The following TMLHE variants were observed in gnomAD, a reference collection of about 807,000 sequenced individuals.
TMLHE encodes the protein trimethyllysine hydroxylase, epsilon.
TMLHE carries 18 observed loss-of-function variants against 25.7 expected under a neutral mutation model. The observed-to-expected ratio is 0.70, with a 90% CI of 0.48 to 1.04. The LOEUF (loss-of-function observed/expected upper bound fraction) is 1.04, where lower values mean the gene tolerates loss of function less well. Among genes scored for constraint, TMLHE ranks in the 50% least tolerant of loss-of-function variants. The probability of loss-of-function intolerance (pLI) is 0.00; values close to 1 mark genes in which losing one functional copy is unlikely to be tolerated. For synonymous variants in TMLHE, 105 were observed against 97.0 expected (o/e 1.08, Z -0.49); for missense variants, 236 against 259.0 (o/e 0.91, Z 0.61).
intron 1 of TMLHE, among the ~76,000 whole-genome samples, chrX:155,610,068 C>A (rs950875989): frequency 8.0e-5 from 9 of 111,816 alleles, no homozygotes; most frequent in African/African-American, 2.9e-4. Flanking sequence ...GAATGTCCAC[C>A]CAAAAACTTG....
At chrX:155,514,613 G>A (rs2067140011) in intron 3 of TMLHE, among the ~76,000 whole-genome samples, 1 of 110,337 alleles carries the variant, frequency 9.1e-6, no homozygotes, top group South Asian at 3.8e-4. Context: ...CTCTCCCCTT[G>A]CCCCCATCCC....
At chrX:155,611,545 C>T (rs1459699081) in intron 1 of TMLHE, 3 of 111,383 alleles carry the variant, frequency 2.7e-5, no homozygotes, top group East Asian at 2.8e-4. Context: ...GTGATCTGTT[C>T]CAGTCCAAGC....
At chrX:155,578,409 G>T (rs2067604508) in intron 1 of TMLHE, among the ~76,000 whole-genome samples, 1 of 111,661 alleles carries the variant, frequency 9.0e-6, no homozygotes. Context: ...GGATCTCTCA[G>T]CCCAGTCCAT....
At chrX:155,538,010 C>T (rs1288981574) in intron 2 of TMLHE, among the ~76,000 whole-genome samples, 1 of 111,116 alleles carries the variant, frequency 9.0e-6, no homozygotes, top group African/African-American at 3.3e-5. Flanking sequence ...CTCTGTTTTT[C>T]AAGAATACAA....
At chrX:155,512,049 C>G (rs1397443673) in intron 4 of TMLHE, among the ~76,000 whole-genome samples, 1 of 111,401 alleles carries the variant, frequency 9.0e-6, no homozygotes, top group Non-Finnish European at 1.9e-5. Flanking sequence ...AGAATCATCC[C>G]ACTCTGATTA....
chrX:155,528,446 C>T (rs1349233781), intron 2 of TMLHE, among the ~76,000 whole-genome samples: 2 of 110,512 alleles, frequency 1.8e-5, no homozygotes, highest in Non-Finnish European at 3.8e-5. Context: ...GTAGTGTACA[C>T]TGAAACTGAT....
intron 1 of TMLHE, among the ~76,000 whole-genome samples, chrX:155,555,697 C>A (rs1417983007): frequency 9.0e-6 from 1 of 110,718 alleles, no homozygotes; most frequent in African/African-American, 3.3e-5. Context: ...CTGTTATATC[C>A]TTTGCCCGCT....
At position 155,514,244 on chromosome X, in the gene TMLHE, TTA is replaced by T. The variant is rs2067137558; in HGVS notation, c.378_379del (p.Lys127IlefsTer2). 8.3e-7 allele frequency: 1 copy of T among 1,204,274 alleles called. No individual in the cohort carries two copies. The highest frequency in any genetic ancestry group is 1.8e-5 in the African/African-American group (1 of 56,960). On this transcript the variant is annotated frameshift_variant, in exon 4 of 8. Transcript: ENST00000334398. LOFTEE classifies it high-confidence loss of function. ...TTTCACCAGCCAATTCAAATCATAT[TTA>T]GTCACATGACCATCTGGCCCTTTTA...
chrX:155,555,267 C>A (rs2067442809), intron 1 of TMLHE, among the ~76,000 whole-genome samples: 1 of 110,581 alleles, frequency 9.0e-6, no homozygotes, highest in Non-Finnish European at 1.9e-5. Context: ...TTTCTTAATC[C>A]AGTCTATCAT....
intron 2 of TMLHE, among the ~76,000 whole-genome samples, chrX:155,541,892 G>T (rs1168537728): frequency 1.9e-5 from 2 of 105,241 alleles, no homozygotes; most frequent in Non-Finnish European, 3.9e-5. Context: ...TGATGGGGTT[G>T]TTTTTTTTTT....
chrX:155,602,918 T>C (rs782308643), intron 1 of TMLHE, among the ~76,000 whole-genome samples: 4 of 111,763 alleles, frequency 3.6e-5, no homozygotes, highest in African/African-American at 1.3e-4. Flanking sequence ...TTGAGGAAAA[T>C]TAAAGAAGAT....
chrX:155,609,581 T>C (rs185702501), intron 1 of TMLHE, among the ~76,000 whole-genome samples: 25 of 111,287 alleles, frequency 2.2e-4, no homozygotes, highest in Non-Finnish European at 1.3e-4. Context: ...CAACATACAG[T>C]AGTAAGAAAA....
rs145371120 is a variant in TMLHE, at chrX:155,524,536, C to T, written c.278G>A (p.Arg93His). Residue 93 changes from arginine (R) to histidine (H), a missense_variant, in exon 3 of 8, where the codon CGC becomes CAC. By Grantham distance (29) the Arg-to-His change is conservative (BLOSUM62 0). Coordinates refer to ENST00000334398, the MANE Select transcript of TMLHE (RefSeq NM_018196.4). ...ATCCACACTGGCAGTATCCAGGCTGCGCTGGTGAGTCTTAGAGTTGTAGCA... is the reference window on the plus strand; with the variant it reads ...ATCCACACTGGCAGTATCCAGGCTGTGCTGGTGAGTCTTAGAGTTGTAGCA... Reference protein sequence around the residue: ...ASCYNSKTHQRSLDTASVDLC... With the variant: ...ASCYNSKTHQHSLDTASVDLC... 262 of 1,207,866 alleles carry T rather than the reference C, an allele frequency of 2.2e-4. No individual in the cohort carries two copies. Among genetic ancestry groups the T allele is most frequent in the Middle Eastern group, 6.9e-4 (3 of 4,365 alleles).
chrX:155,540,007 A>G lies in TMLHE; in HGVS notation c.181+5089T>C, dbSNP rs182538002. On this transcript the variant is annotated intron_variant, in intron 2 of 7. Coordinates refer to ENST00000334398, the MANE Select transcript of TMLHE (RefSeq NM_018196.4). ...AATTATTGAGAAAGAGAAGAAAAAA[A>G]CAACAAAGAATGAAGAAAAATGAGG... 1.5e-4 allele frequency among the ~76,000 whole-genome samples: 16 copies of G among 109,261 alleles called. No individual in the cohort carries two copies. The East Asian group carries it at 4.4e-3, about 30-fold the overall frequency. The allele number at this position is 109,261 out of a possible 115,157, so 94.9% of individuals were successfully genotyped here.
intron 2 of TMLHE, among the ~76,000 whole-genome samples, chrX:155,528,482 C>A (rs782072846): frequency 1.8e-5 from 2 of 110,068 alleles, no homozygotes; most frequent in Non-Finnish European, 3.8e-5. Context: ...CTTTATCCCC[C>A]TCCTTCCCTC....
intron 6 of TMLHE, among the ~76,000 whole-genome samples, chrX:155,506,487 T>G (rs1383587314): frequency 9.0e-6 from 1 of 111,430 alleles, no homozygotes; most frequent in Non-Finnish European, 1.9e-5. Flanking sequence ...GAATATGATA[T>G]GTTTTATATT....
intron 2 of TMLHE, among the ~76,000 whole-genome samples, chrX:155,527,697 C>A (rs1378604033): frequency 1.8e-5 from 2 of 110,366 alleles, no homozygotes; most frequent in Admixed American, 9.6e-5. Flanking sequence ...TCATATAATT[C>A]AAAAAAAATA....
intron 1 of TMLHE, among the ~76,000 whole-genome samples, chrX:155,583,171 G>A (rs1427164656): frequency 3.6e-5 from 4 of 110,884 alleles, no homozygotes; most frequent in South Asian, 3.8e-4. Flanking sequence ...GGGGCCTGTC[G>A]TGGGGTTGGG....
At chrX:155,578,145 G>T (rs1045421332) in intron 1 of TMLHE, among the ~76,000 whole-genome samples, 1 of 111,729 alleles carries the variant, frequency 9.0e-6, no homozygotes, top group African/African-American at 3.3e-5. Context: ...TAGGACCAAG[G>T]TATGAGCAGG....
Sources: allele counts gnomAD v4.1 joint callset (sites outside exome capture counted in the v4.1 genomes callset), GRCh38; gene constraint gnomAD v4.1.1; transcripts MANE v1.5; gene names NCBI Gene and HGNC (gene_info 2026-07-23, HGNC 2026-07-21).